DMXL2: variants seen among roughly 807,000 people sequenced by gnomAD.
The protein encoded by DMXL2 is Dmx like 2.
In DMXL2, 103 loss-of-function variants were observed where a neutral mutation model predicts 331.1. The ratio of observed to expected loss-of-function variants is 0.31; its 90% CI spans 0.27 to 0.37. The LOEUF (loss-of-function observed/expected upper bound fraction) is 0.37, where lower values mean the gene tolerates loss of function less well. DMXL2 is among the 10% of genes least tolerant of loss of function. The pLI, the probability that DMXL2 is intolerant of heterozygous loss-of-function variation, is 1.00. For missense variants in DMXL2, 3,171 were observed against 3,642.9 expected (o/e 0.87, Z 3.33); for synonymous variants, 1,281 against 1,252.1 (o/e 1.02, Z -0.49).
rs866123331 is a variant in DMXL2, at chr15:51,596,069, A to T, written c.88-19888T>A. ...GGCAACAAAAGCCAAAATTGACAAA[A>T]GGGATCTAATTAAACTAAAGAGCTT... On this transcript the variant is annotated intron_variant, in intron 1 of 43. Coordinates refer to ENST00000560891, the MANE Select transcript of DMXL2 (RefSeq NM_001378457.1). Among the ~76,000 whole-genome samples the T allele has an allele frequency of 6.8e-3, 1,039 of 152,256 alleles. 18 individuals are homozygous for T. The highest frequency in any genetic ancestry group is 0.024 in the African/African-American group (998 of 41,556).
At position 51,535,781 on chromosome 15, in the gene DMXL2, G is replaced by A; in HGVS notation, c.2318C>T (p.Thr773Ile). The change falls in exon 13 of 44, where the codon ACA (threonine) becomes ATA (isoleucine). Residue 773 changes from threonine (T) to isoleucine (I), a missense_variant. Physicochemically the swap from Thr to Ile is moderately conservative, Grantham distance 89. Transcript: ENST00000560891. ...GCAAGCACTTGCAGAATTGCAGTAT[G>A]TGCCTGAGAAAGGAAAACAAGGCCT... ...PTLIPSYCLGTYCNSASACFV... is the reference protein window; with the variant it reads ...PTLIPSYCLGIYCNSASACFV... The A allele has an allele frequency of 6.3e-7, 1 of 1,599,422 alleles. No individual in the cohort carries two copies. Among genetic ancestry groups the A allele is most frequent in the Non-Finnish European group, 8.5e-7 (1 of 1,175,158 alleles).
Position 51,612,711 on chromosome 15 carries a change from G to A in DMXL2, c.87+9748C>T, listed in dbSNP as rs576664043. ...CCGGGTTGAAATTAAAATTGCTAAT[G>A]AAGTTTCGGGCATGCATTGTCATTG... On this transcript the variant is annotated intron_variant, in intron 1 of 43. Transcript: ENST00000560891. Among the ~76,000 whole-genome samples the A allele has an allele frequency of 6.6e-5, 10 of 152,310 alleles. No individual in the cohort carries two copies. In the East Asian group the frequency reaches 1.4e-3, roughly 21 times the overall value.
intron 33 of DMXL2, among the ~76,000 whole-genome samples, chr15:51,461,945 A>C (rs2040165533): frequency 6.6e-6 from 1 of 152,206 alleles, no homozygotes; most frequent in Non-Finnish European, 1.5e-5. Flanking sequence ...TTTAAATGAC[A>C]GAGGCAAATA....
At chr15:51,586,301 G>T (rs1324009636) in intron 1 of DMXL2, among the ~76,000 whole-genome samples, 1 of 152,112 alleles carries the variant, frequency 6.6e-6, no homozygotes, top group Non-Finnish European at 1.5e-5. Flanking sequence ...CAAAATTTAT[G>T]CAAGAGCAGT....
intron 23 of DMXL2, among the ~76,000 whole-genome samples, chr15:51,485,513 T>A (rs1235828092): frequency 6.6e-6 from 1 of 152,238 alleles, no homozygotes; most frequent in Non-Finnish European, 1.5e-5. Context: ...CTGCTGTGCA[T>A]CTTACTTTTT....
chr15:51,591,203 C>T (rs529670566), intron 1 of DMXL2, among the ~76,000 whole-genome samples: 10 of 152,294 alleles, frequency 6.6e-5, no homozygotes, highest in South Asian at 2.1e-4. Context: ...CGGTGACAGA[C>T]GGCACCTGGA....
At chr15:51,513,859 G>A (rs1229033626) in intron 15 of DMXL2, among the ~76,000 whole-genome samples, 3 of 152,008 alleles carry the variant, frequency 2.0e-5, no homozygotes, top group Non-Finnish European at 2.9e-5. Flanking sequence ...AAAGTTTAAC[G>A]TCTGAAGGGA....
chr15:51,598,042 G>C (rs1261057425), intron 1 of DMXL2, among the ~76,000 whole-genome samples: 1 of 152,118 alleles, frequency 6.6e-6, no homozygotes, highest in Non-Finnish European at 1.5e-5. Flanking sequence ...TATAGATGTT[G>C]CAATTCTTTT....
Position 51,500,057 on chromosome 15 carries a change from T to C in DMXL2, c.3167A>G (p.Asp1056Gly). Residue 1056 changes from aspartate (D) to glycine (G), a missense_variant, in exon 18 of 44, where the codon GAT becomes GGT. Asp to Gly is a moderately conservative substitution (Grantham distance 94, BLOSUM62 -1). Around this residue, in one of 7 missense-constraint regions of DMXL2, gnomAD observed 1,674 missense variants for 1,780.2 expected, o/e 0.94. Coordinates refer to ENST00000560891, the MANE Select transcript of DMXL2 (RefSeq NM_001378457.1). ...YHWKRWPLMN[D>G]EGEDNSSTVS... ...TGTACTGCTATTATCTTCTCCTTCA[T>C]CATTCATCAAAGGCCATCTCTTCCA... The C allele has an allele frequency of 6.2e-7, 1 of 1,614,184 alleles. No individual in the cohort carries two copies. The highest frequency in any genetic ancestry group is 8.5e-7 in the Non-Finnish European group (1 of 1,180,024).
intron 23 of DMXL2, among the ~76,000 whole-genome samples, chr15:51,483,558 T>C (rs755488572): frequency 5.9e-5 from 9 of 152,114 alleles, no homozygotes; most frequent in Non-Finnish European, 1.3e-4. Context: ...CTCCCCCAAA[T>C]GGGAGAGGTC....
intron 15 of DMXL2, among the ~76,000 whole-genome samples, chr15:51,508,710 A>C (rs2046566682): frequency 6.6e-6 from 1 of 152,228 alleles, no homozygotes; most frequent in Non-Finnish European, 1.5e-5. Context: ...ACCAGCGCGC[A>C]GACTCCTCAT....
At chr15:51,589,095 G>A (rs140461274) in intron 1 of DMXL2, among the ~76,000 whole-genome samples, 63 of 152,214 alleles carry the variant, frequency 4.1e-4, no homozygotes, top group African/African-American at 1.3e-3. Flanking sequence ...TGGAAATGAC[G>A]GTGGCTAATA....
intron 1 of DMXL2, among the ~76,000 whole-genome samples, chr15:51,610,222 A>G (rs1167707476): frequency 6.6e-6 from 1 of 152,260 alleles, no homozygotes; most frequent in African/African-American, 2.4e-5. Context: ...TCAACAGATC[A>G]ATTCACCAAG....
At position 51,604,485 on chromosome 15, in the gene DMXL2, A is replaced by G. The variant is rs2053447191; in HGVS notation, c.87+17974T>C. ...GTGCAGCCATGAACAACTGGAAACAATTGGAAAATAAAATGTTTAAAAAGA... is the reference window on the plus strand; with the variant it reads ...GTGCAGCCATGAACAACTGGAAACAGTTGGAAAATAAAATGTTTAAAAAGA... On this transcript the variant is annotated intron_variant, in intron 1 of 43. Coordinates refer to ENST00000560891, the MANE Select transcript of DMXL2 (RefSeq NM_001378457.1). Among the ~76,000 whole-genome samples, 3 of 152,114 alleles carry G rather than the reference A, an allele frequency of 2.0e-5. No individual in the cohort carries two copies. In the South Asian group the frequency reaches 6.2e-4, roughly 31 times the overall value.
rs1241950490 is a variant in DMXL2, at chr15:51,622,752, C to G, written c.-207G>C. ...CCTCGACCGCCGCCGCCGCCCGGGT[C>G]GCCGCTCAGCTGCGGAAATGCCCGG... is the stretch of plus-strand genomic sequence containing the variant. On this transcript the variant is annotated 5_prime_UTR_variant, in exon 1 of 44. Transcript: ENST00000560891. 1.1e-6 allele frequency: 1 copy of G among 928,502 alleles called. No individual in the cohort carries two copies. The highest frequency in any genetic ancestry group is 3.0e-5 in the East Asian group (1 of 33,330). The allele number at this position is 928,502 out of a possible 1,614,324, so 57.5% of individuals were successfully genotyped here.
intron 20 of DMXL2, 135 bp from the exon 21 acceptor site, chr15:51,488,780 A>G (rs753231122): frequency 9.2e-6 from 6 of 648,866 alleles, no homozygotes; most frequent in East Asian, 5.7e-5. Flanking sequence ...CTGTTTCACA[A>G]TCTCCAGTAG....
At chr15:51,546,738 AAAC>A (rs764575077) in intron 7 of DMXL2, among the ~76,000 whole-genome samples, 8 of 152,280 alleles carry the variant, frequency 5.3e-5, no homozygotes, top group East Asian at 1.9e-4. Flanking sequence ...AGATTTAAAA[AAAC>A]AACAACAAAA....
chr15:51,551,057 T>A (rs1446943043), intron 6 of DMXL2, among the ~76,000 whole-genome samples: 1 of 151,908 alleles, frequency 6.6e-6, no homozygotes, highest in Non-Finnish European at 1.5e-5. Flanking sequence ...ACAGTGACCA[T>A]CTGTTTTATC....
At chr15:51,525,474 A>G (rs1489104387) in intron 13 of DMXL2, among the ~76,000 whole-genome samples, 1 of 152,192 alleles carries the variant, frequency 6.6e-6, no homozygotes, top group Admixed American at 6.5e-5. Context: ...ACAAGGGAGT[A>G]GAGCACCAAG....
Sources: allele counts gnomAD v4.1 joint callset (sites outside exome capture counted in the v4.1 genomes callset), GRCh38; gene constraint gnomAD v4.1.1; regional missense constraint gnomAD v4.1.1; transcripts MANE v1.5; gene names NCBI Gene and HGNC (gene_info 2026-07-23, HGNC 2026-07-21).